The following FIBCD1 variants were observed in gnomAD, a reference collection of about 807,000 sequenced individuals.
FIBCD1 encodes fibrinogen C domain-containing protein 1.
A neutral mutation model predicts 45.1 loss-of-function variants in FIBCD1; 47 were observed. That is an observed-to-expected ratio of 1.04 (90% CI 0.82 to 1.33). FIBCD1 has a LOEUF of 1.33. Ranked by LOEUF, FIBCD1 falls within the 40% of genes most tolerant of loss-of-function variation. The pLI is 0.00. For synonymous variants in FIBCD1, 313 were observed against 308.1 expected (o/e 1.02, Z -0.17); for missense variants, 653 against 682.2 (o/e 0.96, Z 0.48).
chr9:130,913,911 GTGAAGGAGTTCC>G (rs1190584193), intron 4 of FIBCD1, among the ~76,000 whole-genome samples: 2 of 152,138 alleles, frequency 1.3e-5, no homozygotes. Flanking sequence ...ATGCTCAGTG[GTGAAGGAGTTCC>G]TGAAGGCAGG....
In FIBCD1 at chr9:130,929,799, C is replaced by G. The variant is rs372273375; in HGVS notation, c.320G>C (p.Arg107Pro). The change falls in exon 2 of 7, where the codon CGC (arginine) becomes CCC (proline). Residue 107 changes from arginine to proline, a missense_variant. Coordinates refer to ENST00000372338, the MANE Select transcript of FIBCD1 (RefSeq NM_032843.5). ...RCPDLTDSFA[R>P]LESAQASVLQ... The stretch of plus-strand genomic sequence containing the variant: ...CACCGAGGCCTGGGCGCTCTCCAGG[C>G]GTGCGAAGCTGTCGGTGAGGTCGGG... The G allele has an allele frequency of 1.9e-6, 3 of 1,552,168 alleles. No homozygotes were observed. The highest frequency in any genetic ancestry group is 2.6e-6 in the Non-Finnish European group (3 of 1,148,048).
intron 1 of FIBCD1, among the ~76,000 whole-genome samples, chr9:130,931,310 C>T (rs1360283594): frequency 6.6e-6 from 1 of 152,174 alleles, no homozygotes; most frequent in Admixed American, 6.5e-5. Context: ...GAGATCGAGA[C>T]CATCCTGGCC....
intron 4 of FIBCD1, among the ~76,000 whole-genome samples, chr9:130,912,233 C>T (rs978153885): frequency 4.6e-5 from 7 of 151,632 alleles, no homozygotes; most frequent in African/African-American, 1.5e-4. Flanking sequence ...TAGTGAGACC[C>T]CATCTTTACA....
chr9:130,913,478 CTCTGAGCCCT>C (rs1832103519), intron 4 of FIBCD1, among the ~76,000 whole-genome samples: 1 of 108,926 alleles, frequency 9.2e-6, no homozygotes, highest in Non-Finnish European at 1.7e-5. Context: ...CTGAGCCCTG[CTCTGAGCCCT>C]CGGGGACGTG....
chr9:130,904,013 T>G lies in FIBCD1; in HGVS notation c.*51A>C, dbSNP rs1345111799. The stretch of plus-strand genomic sequence containing the variant: ...ACATTCACGAAAGAGTGAGGTGGGG[T>G]CGGGGATGGGGCGACAGGGACCAGC... On this transcript the variant is annotated 3_prime_UTR_variant, in exon 7 of 7. Coordinates refer to ENST00000372338, the MANE Select transcript of FIBCD1 (RefSeq NM_032843.5). 1 of 1,589,958 alleles carries G rather than the reference T, an allele frequency of 6.3e-7. No individual in the cohort carries two copies. The highest frequency in any genetic ancestry group is 1.1e-5 in the South Asian group (1 of 87,694).
intron 2 of FIBCD1, 39 bp downstream of exon 2, chr9:130,929,528 G>A (rs368683098): frequency 1.6e-5 from 24 of 1,484,302 alleles, no homozygotes; most frequent in African/African-American, 1.1e-4. Flanking sequence ...CCAACCCCTC[G>A]CCTCCAGCAA....
At chr9:130,914,390 A>G (rs1832119361) in intron 4 of FIBCD1, among the ~76,000 whole-genome samples, 1 of 152,162 alleles carries the variant, frequency 6.6e-6, no homozygotes, top group South Asian at 2.1e-4. Flanking sequence ...TGCTCAGGGG[A>G]CCCCAACCGT....
intron 5 of FIBCD1, among the ~76,000 whole-genome samples, chr9:130,908,589 C>G (rs1831977747): frequency 6.6e-6 from 1 of 152,216 alleles, no homozygotes; most frequent in Non-Finnish European, 1.5e-5. Context: ...CCAACACACG[C>G]AGGCTTGTGA....
At chr9:130,928,314 CA>C (rs1564340042) in intron 2 of FIBCD1, among the ~76,000 whole-genome samples, 1 of 152,212 alleles carries the variant, frequency 6.6e-6, no homozygotes, top group African/African-American at 2.4e-5. Context: ...TACCCCACCC[CA>C]GCTCTAAGGG....
intron 4 of FIBCD1, among the ~76,000 whole-genome samples, chr9:130,913,344 G>C (rs1235369711): frequency 6.6e-6 from 1 of 151,794 alleles, no homozygotes; most frequent in Non-Finnish European, 1.5e-5. Flanking sequence ...ATGTGTTAGA[G>C]ATCTGGCTGC....
intron 5 of FIBCD1, among the ~76,000 whole-genome samples, chr9:130,907,889 ACT>A (rs33912157): frequency 0.07 from 8,164 of 116,212 alleles, 425 homozygotes; most frequent in African/African-American, 0.17. Context: ...ACAGAGTGAG[ACT>A]CTGTCTCAAA....
chr9:130,930,724 G>C (rs1364151240), intron 1 of FIBCD1: 1 of 455,116 alleles, frequency 2.2e-6, no homozygotes, highest in Non-Finnish European at 4.4e-6. Context: ...CAGGGCTCAG[G>C]CCTCTAAGCT....
In FIBCD1 at chr9:130,929,682, C is replaced by T. The variant is rs373795739; in HGVS notation, c.437G>A (p.Arg146Gln). ...CAGCTCTGAGGCTCGGGCCAGCAGCCGGGGCAGCTGGTCGGCCAGCGTGTC... is the reference window on the plus strand; with the variant it reads ...CAGCTCTGAGGCTCGGGCCAGCAGCTGGGGCAGCTGGTCGGCCAGCGTGTC... The part of the protein sequence containing the change: ...LLDTLADQLP[R>Q]LLARASELQT... The change falls in exon 2 of 7, where the codon CGG becomes CAG. Residue 146 changes from arginine to glutamine, a missense_variant. Coordinates refer to ENST00000372338, the MANE Select transcript of FIBCD1 (RefSeq NM_032843.5). The T allele has an allele frequency of 3.0e-5, 48 of 1,603,200 alleles. No homozygotes were observed. The East Asian group carries it at 3.4e-4, about 11-fold the overall frequency.
At chr9:130,915,388 C>T (rs570621384) in intron 4 of FIBCD1, among the ~76,000 whole-genome samples, 25 of 152,122 alleles carry the variant, frequency 1.6e-4, no homozygotes, top group Non-Finnish European at 2.6e-4. Flanking sequence ...CCAGGTAGCC[C>T]GAATCAACGC....
intron 2 of FIBCD1, among the ~76,000 whole-genome samples, chr9:130,925,136 C>T (rs1832337042): frequency 6.6e-6 from 1 of 152,174 alleles, no homozygotes; most frequent in Non-Finnish European, 1.5e-5. Context: ...CCCCACTCCC[C>T]ATGCAAACAT....
chr9:130,904,143 T>A lies in FIBCD1; in HGVS notation c.1307A>T (p.Glu436Val), dbSNP rs116149234. The A allele has an allele frequency of 1.2e-6, 2 of 1,613,378 alleles. No individual in the cohort carries two copies. The highest frequency in any genetic ancestry group is 2.2e-5 in the South Asian group (2 of 91,076). The change falls in exon 7 of 7, where the codon GAG becomes GTG. Residue 436 changes from glutamate to valine, a missense_variant. Glu to Val is a moderately radical substitution (Grantham distance 121). Transcript: ENST00000372338. ...CTGCCAGCCGGTCCAGGAGGACCAC[T>A]CCACGCCGTCGGCATAGGAGGCGTG... ...GAHASYADGV[E>V]WSSWTGWQYS...
chr9:130,928,427 CCAGCCCT>C (rs1832391501), intron 2 of FIBCD1, among the ~76,000 whole-genome samples: 1 of 152,196 alleles, frequency 6.6e-6, no homozygotes, highest in East Asian at 1.9e-4. Context: ...CCCCCAGCCC[CCAGCCCT>C]GCTGATGAGG....
chr9:130,911,053 A>T (rs1179108778), intron 5 of FIBCD1, among the ~76,000 whole-genome samples: 1 of 152,186 alleles, frequency 6.6e-6, no homozygotes, highest in Non-Finnish European at 1.5e-5. Context: ...GAATAAAAGC[A>T]GGCTGCCCCA....
chr9:130,932,781 C>G (rs1564341556), intron 1 of FIBCD1, among the ~76,000 whole-genome samples: 1 of 152,224 alleles, frequency 6.6e-6, no homozygotes, highest in Admixed American at 6.5e-5. Context: ...GGGCCGCTAA[C>G]TGGGCCGTTC....
Sources: allele counts gnomAD v4.1 joint callset (sites outside exome capture counted in the v4.1 genomes callset), GRCh38; gene constraint gnomAD v4.1.1; transcripts MANE v1.5; gene names NCBI Gene and HGNC (gene_info 2026-07-23, HGNC 2026-07-21).